APBB1IP: variants seen among roughly 807,000 people sequenced by gnomAD.
The protein encoded by APBB1IP is amyloid beta precursor protein binding family B member 1 interacting protein.
APBB1IP carries 27 observed loss-of-function variants against 64.9 expected under a neutral mutation model. The ratio of observed to expected loss-of-function variants is 0.42; its 90% CI spans 0.31 to 0.57. The LOEUF (loss-of-function observed/expected upper bound fraction) is 0.57, where lower values mean the gene tolerates loss of function less well. APBB1IP is among the 20% of genes least tolerant of loss of function. The pLI, the probability that APBB1IP is intolerant of heterozygous loss-of-function variation, is 0.20. For synonymous variants in APBB1IP, 392 were observed against 331.0 expected (o/e 1.18, Z -2.00); for missense variants, 812 against 845.5 (o/e 0.96, Z 0.49).
intron 2 of APBB1IP, among the ~76,000 whole-genome samples, chr10:26,460,635 A>T (rs1488250709): frequency 6.6e-6 from 1 of 152,192 alleles, no homozygotes; most frequent in East Asian, 1.9e-4. Flanking sequence ...AGGGAATGAG[A>T]TCATGTCCTT....
At position 26,501,247 on chromosome 10, in the gene APBB1IP, C is replaced by T. The variant is rs139466547; in HGVS notation, c.453+136C>T. The T allele has an allele frequency of 2.8e-4, 360 of 1,300,394 alleles. 2 individuals are homozygous for T. The highest frequency in any genetic ancestry group is 2.2e-3 in the African/African-American group (148 of 68,262). The allele number at this position is 1,300,394 out of a possible 1,614,324, so 80.6% of individuals were successfully genotyped here. A position where few individuals can be genotyped will look rare whatever the true frequency, so the allele number is the denominator to read the frequency against. ...TACTAAAAAACAAAGATACAGAGCA[C>T]GCTCATTGCAAAGCTAGAACCCTCC... On this transcript the variant is annotated intron_variant, in intron 5 of 14. Coordinates refer to ENST00000376236, the MANE Select transcript of APBB1IP (RefSeq NM_019043.4).
chr10:26,448,320 G>T (rs1477860118), intron 2 of APBB1IP, among the ~76,000 whole-genome samples: 3 of 152,114 alleles, frequency 2.0e-5, no homozygotes, highest in Non-Finnish European at 1.5e-5. Context: ...TGGGATTATA[G>T]GCATCCTGCC....
chr10:26,452,060 A>T (rs556906594), intron 2 of APBB1IP, among the ~76,000 whole-genome samples: 1 of 152,322 alleles, frequency 6.6e-6, no homozygotes, highest in East Asian at 1.9e-4. Flanking sequence ...TGAGACATCA[A>T]ATTTACCAAT....
chr10:26,566,228 G>A (rs1837041059), intron 14 of APBB1IP, among the ~76,000 whole-genome samples: 1 of 152,098 alleles, frequency 6.6e-6, no homozygotes, highest in South Asian at 2.1e-4. Flanking sequence ...AGACTAACCT[G>A]GGCAACACAG....
intron 11 of APBB1IP, among the ~76,000 whole-genome samples, chr10:26,548,912 C>A (rs2132475169): frequency 6.6e-6 from 1 of 152,236 alleles, no homozygotes; most frequent in South Asian, 2.1e-4. Flanking sequence ...GCATCCTTAT[C>A]TTGTTTGAGA....
intron 2 of APBB1IP, among the ~76,000 whole-genome samples, chr10:26,464,794 A>T (rs1341123737): frequency 6.6e-6 from 1 of 152,226 alleles, no homozygotes; most frequent in Non-Finnish European, 1.5e-5. Flanking sequence ...ACTCAACATC[A>T]TGCAGTAGTT....
chr10:26,489,767 G>A (rs941278277), intron 2 of APBB1IP, among the ~76,000 whole-genome samples: 2 of 152,230 alleles, frequency 1.3e-5, no homozygotes, highest in Non-Finnish European at 2.9e-5. Flanking sequence ...GCTCACGCCT[G>A]TAATCCCAAC....
intron 14 of APBB1IP, among the ~76,000 whole-genome samples, chr10:26,565,467 C>T (rs1185861345): frequency 6.6e-6 from 1 of 152,148 alleles, no homozygotes; most frequent in African/African-American, 2.4e-5. Context: ...AGATATACCA[C>T]GAAAGCCCCT....
At chr10:26,534,148 C>T (rs1836589662) in intron 9 of APBB1IP, among the ~76,000 whole-genome samples, 1 of 151,964 alleles carries the variant, frequency 6.6e-6, no homozygotes, top group African/African-American at 2.4e-5. Context: ...TGAGTTTTCA[C>T]ATAGTATCTA....
intron 11 of APBB1IP, among the ~76,000 whole-genome samples, chr10:26,559,417 G>GT (rs1836938093): frequency 6.6e-6 from 1 of 151,218 alleles, no homozygotes; most frequent in African/African-American, 2.4e-5. Flanking sequence ...AAAAAACAAC[G>GT]TTTTTTTCAA....
intron 11 of APBB1IP, among the ~76,000 whole-genome samples, chr10:26,547,324 C>T (rs145643685): frequency 5.3e-4 from 80 of 152,234 alleles, no homozygotes; most frequent in Non-Finnish European, 8.8e-4. Context: ...GTATAATTTG[C>T]AAATATTTTT....
rs780429086 is a variant in APBB1IP, at chr10:26,567,476, CA to C, written c.1991del (p.Asn664ThrfsTer25). On this transcript the variant is annotated frameshift_variant, in exon 15 of 15. Coordinates refer to ENST00000376236, the MANE Select transcript of APBB1IP (RefSeq NM_019043.4). LOFTEE classifies it high-confidence loss of function. ...LMKALQKKRG[N>X]VS is the part of the protein sequence containing the mutation. ...TGAAAGCTTTGCAAAAGAAGAGAGG[CA>C]ACGTGTCCTAGGGACGGGCATGATG... 1 of 1,582,342 alleles carries C rather than the reference CA, an allele frequency of 6.3e-7. No individual in the cohort carries two copies. Among genetic ancestry groups the C allele is most frequent in the South Asian group, 1.1e-5 (1 of 90,746 alleles).
intron 2 of APBB1IP, among the ~76,000 whole-genome samples, chr10:26,439,424 T>A (rs1020802439): frequency 6.6e-5 from 10 of 152,250 alleles, no homozygotes; most frequent in Middle Eastern, 3.2e-3. Context: ...CTCATTTTCA[T>A]TTTAAAATAC....
rs368690785 is a variant in APBB1IP at position 26,552,021 on chromosome 10, A to C, written c.1156-8084A>C. Among the ~76,000 whole-genome samples the C allele has an allele frequency of 1.8e-4, 28 of 152,320 alleles. No individual in the cohort carries two copies. In the East Asian group the frequency reaches 3.5e-3, roughly 19 times the overall value. On this transcript the variant is annotated intron_variant, in intron 11 of 14. Transcript: ENST00000376236. ...TGTCCTTCAAAACATGGTTCAGGGC[A>C]GGCACAGTGGCTCATGCCTGTAATC... is the stretch of plus-strand genomic sequence containing the variant.
intron 11 of APBB1IP, 153 bp downstream of exon 11, chr10:26,541,845 G>T (rs113010129): frequency 5.4e-5 from 29 of 538,482 alleles, no homozygotes; most frequent in African/African-American, 4.6e-4. Flanking sequence ...CTATCAATTT[G>T]GGACATTTTC....
chr10:26,525,604 G>A (rs577929509), intron 8 of APBB1IP, among the ~76,000 whole-genome samples: 2 of 152,266 alleles, frequency 1.3e-5, no homozygotes, highest in South Asian at 4.2e-4. Flanking sequence ...GAAGCCTACT[G>A]TACAAAAATC....
intron 6 of APBB1IP, among the ~76,000 whole-genome samples, chr10:26,508,827 CA>C (rs527442459): frequency 2.0e-5 from 3 of 151,572 alleles, no homozygotes; most frequent in Non-Finnish European, 4.4e-5. Flanking sequence ...CCAATTTCTG[CA>C]AAAAAACACC....
intron 13 of APBB1IP, among the ~76,000 whole-genome samples, chr10:26,561,168 A>G (rs950354731): frequency 6.9e-5 from 9 of 129,858 alleles, no homozygotes; most frequent in Non-Finnish European, 1.4e-4. Flanking sequence ...TCCTGGGTTC[A>G]CACCGTTCTC....
At chr10:26,466,135 T>C (rs1835645699) in intron 2 of APBB1IP, among the ~76,000 whole-genome samples, 1 of 152,210 alleles carries the variant, frequency 6.6e-6, no homozygotes, top group Non-Finnish European at 1.5e-5. Flanking sequence ...TCCTGGTCCC[T>C]GGGCTGAGCT....
Sources: gnomAD v4.1 joint callset for allele counts (sites outside exome capture counted in the v4.1 genomes callset) on GRCh38, gnomAD v4.1.1 for gene constraint, MANE v1.5 for transcripts, NCBI Gene and HGNC (gene_info 2026-07-23, HGNC 2026-07-21) for gene names.